Variants in SOX6 observed in about 807,000 individuals in gnomAD.
SOX6 encodes transcription factor SOX-6.
A neutral mutation model predicts 97.8 loss-of-function variants in SOX6; 11 were observed. That is an observed-to-expected ratio of 0.11 (90% CI 0.07 to 0.19). The LOEUF (loss-of-function observed/expected upper bound fraction) is 0.19, where lower values mean the gene tolerates loss of function less well. Ranked by LOEUF, SOX6 falls within the 10% of genes least tolerant of loss-of-function variation. The pLI, the probability that SOX6 is intolerant of heterozygous loss-of-function variation, is 1.00. For missense variants in SOX6, 810 were observed against 1,039.5 expected (o/e 0.78, Z 3.04); for synonymous variants, 360 against 371.4 (o/e 0.97, Z 0.35).
intron 4 of SOX6, among the ~76,000 whole-genome samples, chr11:16,568,555 T>A (rs1174866316): frequency 1.3e-5 from 2 of 152,174 alleles, no homozygotes; most frequent in Non-Finnish European, 2.9e-5. Flanking sequence ...GCCACTGACA[T>A]GTTCATTTTA....
chr11:16,235,986 C>A (rs1474466830), intron 3 of SOX6, among the ~76,000 whole-genome samples: 1 of 152,042 alleles, frequency 6.6e-6, no homozygotes, highest in African/African-American at 2.4e-5. Context: ...GAAGAACAAC[C>A]ATCCGAACTG....
intron 9 of SOX6, among the ~76,000 whole-genome samples, chr11:16,076,841 C>T (rs1342844738): frequency 6.7e-6 from 1 of 149,444 alleles, no homozygotes; most frequent in Non-Finnish European, 1.5e-5. Flanking sequence ...GCAAGCTCCG[C>T]TTCCCGGGTT....
At chr11:16,214,605 C>T (rs185490347) in intron 4 of SOX6, among the ~76,000 whole-genome samples, 1 of 152,078 alleles carries the variant, frequency 6.6e-6, no homozygotes, top group African/African-American at 2.4e-5. Context: ...ATTGTCTAAA[C>T]TCTATTTCTC....
chr11:16,299,209 C>T (rs1241198468), intron 3 of SOX6, among the ~76,000 whole-genome samples: 1 of 152,072 alleles, frequency 6.6e-6, no homozygotes, highest in African/African-American at 2.4e-5. Context: ...ATCAAATATG[C>T]ATTCTACTGC....
intron 4 of SOX6, chr11:16,484,582 C>T (rs1453046225): frequency 4.1e-6 from 3 of 739,086 alleles, no homozygotes; most frequent in African/African-American, 3.4e-5. Flanking sequence ...CCTTCACAGC[C>T]TCAGTCACCT....
At chr11:16,396,634 G>A (rs778871803) in intron 1 of SOX6, among the ~76,000 whole-genome samples, 4 of 151,496 alleles carry the variant, frequency 2.6e-5, no homozygotes, top group Non-Finnish European at 5.9e-5. Context: ...TACAACAATA[G>A]TATATTGAAA....
At chr11:16,206,858 T>A (rs1221430565) in intron 4 of SOX6, among the ~76,000 whole-genome samples, 1 of 152,168 alleles carries the variant, frequency 6.6e-6, no homozygotes, top group Non-Finnish European at 1.5e-5. Context: ...TCTGGAAAGT[T>A]GGAAATTCAG....
At chr11:16,604,821 A>T (rs1848314877) in intron 4 of SOX6, among the ~76,000 whole-genome samples, 2 of 152,244 alleles carry the variant, frequency 1.3e-5, no homozygotes, top group African/African-American at 4.8e-5. Context: ...TCCGCCTAAG[A>T]GACCGTAAAT....
chr11:16,500,819 C>T (rs1860693780), intron 4 of SOX6, among the ~76,000 whole-genome samples: 1 of 152,090 alleles, frequency 6.6e-6, no homozygotes, highest in Non-Finnish European at 1.5e-5. Flanking sequence ...AGGATACAAA[C>T]AAATGGAAGA....
At chr11:16,459,856 G>C (rs1398767478) in intron 1 of SOX6, among the ~76,000 whole-genome samples, 1 of 151,898 alleles carries the variant, frequency 6.6e-6, no homozygotes, top group Non-Finnish European at 1.5e-5. Flanking sequence ...ACTTGAAGCT[G>C]CATAATATAC....
intron 3 of SOX6, among the ~76,000 whole-genome samples, chr11:16,246,202 C>G (rs1415480562): frequency 6.6e-6 from 1 of 151,394 alleles, no homozygotes; most frequent in Non-Finnish European, 1.5e-5. Flanking sequence ...TGTATTATTG[C>G]TGTCATAGGT....
At position 16,240,166 on chromosome 11, in the gene SOX6, T is replaced by C. The variant is rs1853142643; in HGVS notation, c.446-5495A>G. On this transcript the variant is annotated intron_variant, in intron 3 of 15. Coordinates refer to ENST00000683767, the MANE Select transcript of SOX6 (RefSeq NM_001367873.1). ...CATGATCGGTGTGAAAAAATAGATTTAGTTCCTGTGAAATTCTGTTGTGCT... is the reference window on the plus strand; with the variant it reads ...CATGATCGGTGTGAAAAAATAGATTCAGTTCCTGTGAAATTCTGTTGTGCT... Among the ~76,000 whole-genome samples the C allele has an allele frequency of 2.0e-5, 3 of 152,122 alleles. No individual in the cohort carries two copies. The South Asian group carries it at 6.2e-4, about 32-fold the overall frequency.
chr11:16,064,517 T>TAC (rs1212032757), intron 9 of SOX6, among the ~76,000 whole-genome samples: 1 of 142,212 alleles, frequency 7.0e-6, no homozygotes, highest in Non-Finnish European at 1.5e-5. Context: ...GACAAAGCCA[T>TAC]ACATATATAT....
intron 4 of SOX6, among the ~76,000 whole-genome samples, chr11:16,505,803 G>A (rs1260571502): frequency 2.0e-5 from 3 of 152,186 alleles, no homozygotes; most frequent in East Asian, 1.9e-4. Flanking sequence ...GGCTAAAAAG[G>A]CTCCAGATAC....
intron 2 of SOX6, among the ~76,000 whole-genome samples, chr11:16,725,448 G>A (rs143838330): frequency 3.3e-5 from 5 of 152,064 alleles, no homozygotes; most frequent in Middle Eastern, 3.4e-3. Flanking sequence ...GCAGTGAGCA[G>A]AGATCATGCC....
At chr11:16,333,622 A>G (rs1856377421) in intron 2 of SOX6, among the ~76,000 whole-genome samples, 1 of 152,174 alleles carries the variant, frequency 6.6e-6, no homozygotes, top group South Asian at 2.1e-4. Context: ...CTACATTCAA[A>G]TGACATTTGA....
Position 16,132,421 on chromosome 11 carries a change from GAA to G in SOX6, c.778-20500_778-20499del, listed in dbSNP as rs1564972474. Among the ~76,000 whole-genome samples the G allele has an allele frequency of 1.4e-4, 13 of 95,624 alleles. 1 individual carries two copies. Among genetic ancestry groups the G allele is most frequent in the Middle Eastern group, 4.8e-3 (1 of 210 alleles). 62.7% of individuals were successfully genotyped at this position (95,624 alleles called of 152,430 possible). ...AAGAAAAAAGAAAGAAAGAAAGAAA[GAA>G]AGAAAGAAAGAAAGAAAGAAAAAAG... On this transcript the variant is annotated intron_variant, in intron 6 of 15. Transcript: ENST00000683767.
intron 6 of SOX6, among the ~76,000 whole-genome samples, chr11:16,171,547 T>A (rs1207578323): frequency 1.3e-5 from 2 of 152,016 alleles, no homozygotes; most frequent in African/African-American, 2.4e-5. Context: ...AATATCTTTT[T>A]TTAAATTTTA....
At chr11:16,024,915 C>T (rs1029465850) in intron 12 of SOX6, among the ~76,000 whole-genome samples, 1 of 152,040 alleles carries the variant, frequency 6.6e-6, no homozygotes, top group African/African-American at 2.4e-5. Flanking sequence ...TCCACACCCC[C>T]GGCAAGGACA....
Sources: allele counts gnomAD v4.1 joint callset (sites outside exome capture counted in the v4.1 genomes callset), GRCh38; gene constraint gnomAD v4.1.1; transcripts MANE v1.5; gene names NCBI Gene and HGNC (gene_info 2026-07-23, HGNC 2026-07-21).